Variants in SDK1 observed in about 807,000 individuals in gnomAD.
SDK1 encodes protein sidekick-1.
Under a neutral mutation model 245.5 loss-of-function variants are expected in SDK1, and 157 were observed. That is an observed-to-expected ratio of 0.64 (90% confidence interval 0.56 to 0.73). The LOEUF (loss-of-function observed/expected upper bound fraction) is 0.73, where lower values mean the gene tolerates loss of function less well. SDK1 is among the 30% of genes least tolerant of loss of function. The probability of loss-of-function intolerance (pLI) is 0.00; values close to 1 mark genes in which losing one functional copy is unlikely to be tolerated. For synonymous variants in SDK1, 1,647 were observed against 1,278.5 expected (o/e 1.29, Z -6.15); for missense variants, 3,583 against 3,002.3 (o/e 1.19, Z -4.52).
At chr7:3,607,558 C>G (rs542515447) in intron 1 of SDK1, among the ~76,000 whole-genome samples, 2 of 152,170 alleles carry the variant, frequency 1.3e-5, no homozygotes, top group African/African-American at 4.8e-5. Context: ...TGTTGAATGA[C>G]AGAGCAAATA....
At chr7:3,950,139 G>C (rs928082461) in intron 5 of SDK1, among the ~76,000 whole-genome samples, 1 of 152,218 alleles carries the variant, frequency 6.6e-6, no homozygotes, top group Admixed American at 6.5e-5. Context: ...ACAACACACA[G>C]AGCAGTAGCG....
chr7:3,801,913 G>A (rs754723290), intron 4 of SDK1, among the ~76,000 whole-genome samples: 1 of 152,214 alleles, frequency 6.6e-6, no homozygotes, highest in East Asian at 1.9e-4. Context: ...CTGCTGACCA[G>A]CTGGAGGATG....
chr7:4,036,338 G>A (rs999867351), intron 17 of SDK1, among the ~76,000 whole-genome samples: 1 of 152,250 alleles, frequency 6.6e-6, no homozygotes, highest in East Asian at 1.9e-4. Flanking sequence ...GAATGGTTTT[G>A]TGATCGTGTA....
At chr7:3,320,497 C>T (rs887639054) in intron 1 of SDK1, among the ~76,000 whole-genome samples, 3 of 152,106 alleles carry the variant, frequency 2.0e-5, no homozygotes, top group African/African-American at 7.2e-5. Flanking sequence ...CCTCCTGCTC[C>T]CACCTTGGTT....
At chr7:3,662,615 G>A (rs1049474264) in intron 4 of SDK1, among the ~76,000 whole-genome samples, 1 of 152,224 alleles carries the variant, frequency 6.6e-6, no homozygotes, top group Non-Finnish European at 1.5e-5. Context: ...TGGGTTCGGA[G>A]AAATGGTTCC....
chr7:3,820,231 C>T (rs1260781807), intron 4 of SDK1, among the ~76,000 whole-genome samples: 1 of 152,146 alleles, frequency 6.6e-6, no homozygotes, highest in Non-Finnish European at 1.5e-5. Context: ...CTCACTTCAG[C>T]CTCCGCCTCC....
At chr7:4,183,553 T>C (rs1782711757) in intron 35 of SDK1, among the ~76,000 whole-genome samples, 1 of 149,840 alleles carries the variant, frequency 6.7e-6, no homozygotes, top group East Asian at 2.0e-4. Flanking sequence ...GAGAATCGCT[T>C]GAACCGGAAC....
intron 1 of SDK1, among the ~76,000 whole-genome samples, chr7:3,425,782 C>T (rs1779659674): frequency 6.6e-6 from 1 of 152,140 alleles, no homozygotes; most frequent in Non-Finnish European, 1.5e-5. Flanking sequence ...ATTGAAAGTC[C>T]TGGAAAAGTA....
intron 4 of SDK1, among the ~76,000 whole-genome samples, chr7:3,764,727 A>T (rs905421240): frequency 6.6e-6 from 1 of 152,086 alleles, no homozygotes. Flanking sequence ...TAAACATACA[A>T]TTTAAAAAAA....
intron 1 of SDK1, among the ~76,000 whole-genome samples, chr7:3,431,297 C>G (rs1182973835): frequency 6.6e-6 from 1 of 151,796 alleles, no homozygotes; most frequent in South Asian, 2.1e-4. Context: ...TCATAAAGTG[C>G]CACCAAAGAG....
At chr7:4,043,919 C>G (rs986864456) in intron 17 of SDK1, among the ~76,000 whole-genome samples, 1 of 152,050 alleles carries the variant, frequency 6.6e-6, no homozygotes, top group Non-Finnish European at 1.5e-5. Context: ...AAATGTTGGT[C>G]TTTTCCCAAT....
At chr7:3,767,672 G>C (rs746001848) in intron 4 of SDK1, among the ~76,000 whole-genome samples, 1 of 152,146 alleles carries the variant, frequency 6.6e-6, no homozygotes, top group African/African-American at 2.4e-5. Flanking sequence ...CAGAAGCACT[G>C]AGACATGAGG....
intron 13 of SDK1, 90 bp downstream of exon 13, chr7:3,974,635 C>G (rs748657771): frequency 7.8e-7 from 1 of 1,288,052 alleles, no homozygotes; most frequent in Admixed American, 1.9e-5. Context: ...AAGTGTCACG[C>G]CCGGCTTGTG....
At chr7:3,427,609 A>T (rs918389321) in intron 1 of SDK1, among the ~76,000 whole-genome samples, 1 of 151,612 alleles carries the variant, frequency 6.6e-6, no homozygotes, top group Non-Finnish European at 1.5e-5. Context: ...TCATCTTGTC[A>T]TACGATATAA....
At chr7:3,967,527 C>A in intron 10 of SDK1, 93 bp downstream of exon 10, 1 of 795,960 alleles carries the variant, frequency 1.3e-6, no homozygotes, top group Non-Finnish European at 2.2e-6. Flanking sequence ...CTTGTTTATT[C>A]ACTTATGCAT....
chr7:3,434,653 G>A (rs1293553394), intron 1 of SDK1, among the ~76,000 whole-genome samples: 1 of 152,184 alleles, frequency 6.6e-6, no homozygotes, highest in African/African-American at 2.4e-5. Context: ...TGGGGTTTCA[G>A]CCCAAGCCAA....
At chr7:3,776,425 C>A (rs1009666697) in intron 4 of SDK1, among the ~76,000 whole-genome samples, 1 of 152,214 alleles carries the variant, frequency 6.6e-6, no homozygotes, top group Admixed American at 6.5e-5. Context: ...ATCACCTGAA[C>A]AAATTATGCA....
At chr7:4,178,431 G>A (rs1364096937) in intron 34 of SDK1, 54 bp from the exon 35 acceptor site, 2 of 1,334,662 alleles carry the variant, frequency 1.5e-6, no homozygotes, top group African/African-American at 2.9e-5. Flanking sequence ...GAACTTTGGA[G>A]AAAGAGAAGG....
chr7:3,385,362 C>T (rs73052636), intron 1 of SDK1, among the ~76,000 whole-genome samples: 1 of 152,044 alleles, frequency 6.6e-6, no homozygotes. Flanking sequence ...ATTTCCATTT[C>T]ATATATATAG....
Sources: allele counts gnomAD v4.1 joint callset (sites outside exome capture counted in the v4.1 genomes callset), GRCh38; gene constraint gnomAD v4.1.1; transcripts MANE v1.5; gene names NCBI Gene and HGNC (gene_info 2026-07-23, HGNC 2026-07-21).